Variants in RRBP1 observed in about 807,000 individuals in gnomAD.
RRBP1 encodes ribosome-binding protein 1.
A neutral mutation model predicts 165.2 loss-of-function variants in RRBP1; 94 were observed. That is an observed-to-expected ratio of 0.57 (90% CI 0.48 to 0.68). The LOEUF (loss-of-function observed/expected upper bound fraction) is 0.68. RRBP1 is among the 30% of genes least tolerant of loss of function. The probability of loss-of-function intolerance (pLI) is 0.00; values close to 1 mark genes in which losing one functional copy is unlikely to be tolerated. For missense variants in RRBP1, 1,676 were observed against 1,763.0 expected, an observed-to-expected ratio of 0.95 and a Z score of 0.88; for synonymous variants, 680 against 714.5, an observed-to-expected ratio of 0.95 and a Z score of 0.77.
chr20:17,614,095 G>A lies in RRBP1; in HGVS notation c.*87C>T. 8.2e-6 allele frequency: 11 copies of A among 1,348,836 alleles called. No individual in the cohort carries two copies. Among genetic ancestry groups the A allele is most frequent in the Admixed American group, 1.7e-5 (1 of 59,464 alleles). The allele number at this position is 1,348,836 out of a possible 1,614,324, so 83.6% of individuals were successfully genotyped here. A position where few individuals can be genotyped will look rare whatever the true frequency, so the allele number is the denominator to read the frequency against. ...CTACCGGAAGTTGGGCCTGGATAAC[G>A]CTGTGTAGGTTGGTTGGTTTATTTG... On this transcript the variant is annotated 3_prime_UTR_variant, in exon 25 of 25. Coordinates refer to ENST00000377813, the MANE Select transcript of RRBP1 (RefSeq NM_001365613.2).
intron 4 of RRBP1, 132 bp downstream of exon 4, chr20:17,642,847 T>G: frequency 9.9e-7 from 1 of 1,010,490 alleles, no homozygotes; most frequent in South Asian, 1.6e-5. Context: ...TCCCTCGGGG[T>G]GGCAGAATTC....
chr20:17,617,544 G>A (rs1159185577), intron 20 of RRBP1, among the ~76,000 whole-genome samples: 2 of 152,254 alleles, frequency 1.3e-5, no homozygotes, highest in Non-Finnish European at 2.9e-5. Context: ...GAACTGCACA[G>A]CTGGAAGACA....
At chr20:17,676,930 T>A (rs1046041837) in intron 2 of RRBP1, among the ~76,000 whole-genome samples, 3 of 152,050 alleles carry the variant, frequency 2.0e-5, no homozygotes, top group African/African-American at 7.2e-5. Flanking sequence ...GCATTCTTTA[T>A]AGAGATGGGG....
At chr20:17,624,064 T>A (rs1297093243) in intron 13 of RRBP1, among the ~76,000 whole-genome samples, 1 of 152,112 alleles carries the variant, frequency 6.6e-6, no homozygotes, top group Non-Finnish European at 1.5e-5. Flanking sequence ...AGCCTCGGGC[T>A]CACTGCCTCC....
intron 6 of RRBP1, among the ~76,000 whole-genome samples, chr20:17,635,939 C>T (rs2036239701): frequency 6.6e-6 from 1 of 152,370 alleles, no homozygotes; most frequent in African/African-American, 2.4e-5. Context: ...GGGTCTCTGA[C>T]ACACCCCATG....
Position 17,682,172 on chromosome 20 carries a change from C to CCCGCCCCGTCTGCCGT in RRBP1, c.-259_-244dup, listed in dbSNP as rs1160894890. 2.6e-5 allele frequency: 4 copies of CCCGCCCCGTCTGCCGT among 152,468 alleles called. No homozygotes were observed. The highest frequency in any genetic ancestry group is 7.2e-5 in the African/African-American group (3 of 41,576). 9.4% of individuals were successfully genotyped at this position (152,468 alleles called of 1,614,324 possible). ...TGTAGACGCTGCGACCCTGACGCCG[C>CCCGCCCCGTCTGCCGT]CCGCCCCGTCTGCCGTCCGCTCCGG... is the stretch of plus-strand genomic sequence containing the variant. On this transcript the variant is annotated 5_prime_UTR_variant, in exon 1 of 25. Transcript: ENST00000377813.
intron 22 of RRBP1, 57 bp downstream of exon 22, chr20:17,615,869 T>G: frequency 6.8e-7 from 1 of 1,476,024 alleles, no homozygotes; most frequent in South Asian, 1.1e-5. Context: ...ACTCATTCCC[T>G]GGAGACTCAG....
chr20:17,671,673 T>C (rs929940908), intron 2 of RRBP1, among the ~76,000 whole-genome samples: 2 of 152,190 alleles, frequency 1.3e-5, no homozygotes, highest in Non-Finnish European at 2.9e-5. Flanking sequence ...CTGTGTCCTA[T>C]CATGCTGCCA....
chr20:17,642,651 A>G (rs1376240267), intron 4 of RRBP1, among the ~76,000 whole-genome samples: 2 of 151,928 alleles, frequency 1.3e-5, no homozygotes, highest in Non-Finnish European at 2.9e-5. Context: ...GGGCTGGGGA[A>G]CCTCACAGGG....
Position 17,658,878 on chromosome 20 carries a change from G to T in RRBP1, c.1630C>A (p.Pro544Thr). 4 of 1,613,566 alleles carry T rather than the reference G, an allele frequency of 2.5e-6. No homozygotes were observed. Among genetic ancestry groups the T allele is most frequent in the Non-Finnish European group, 2.5e-6 (3 of 1,179,862 alleles). Residue 544 changes from proline to threonine, a missense_variant, in exon 3 of 25, where the codon CCC becomes ACC. Pro to Thr is a conservative substitution (Grantham distance 38). Coordinates refer to ENST00000377813, the MANE Select transcript of RRBP1 (RefSeq NM_001365613.2). The stretch of plus-strand genomic sequence containing the variant: ...GAATCTGCCTTTTTGCCCTGGATGG[G>T]AGCTCCCTCTCCTTTTTTGCCTTGG... Reference protein sequence around the residue: ...PNQGKKGEGAPIQGKKADSVA... With the variant: ...PNQGKKGEGATIQGKKADSVA...
chr20:17,616,898 A>C, intron 20 of RRBP1, 59 bp from the exon 21 acceptor site: 1 of 1,308,794 alleles, frequency 7.6e-7, no homozygotes, highest in East Asian at 2.3e-5. Context: ...CACCATGCTC[A>C]CTCCTGCAGG....
chr20:17,674,125 C>T (rs966237658), intron 2 of RRBP1, among the ~76,000 whole-genome samples: 2 of 152,226 alleles, frequency 1.3e-5, no homozygotes, highest in African/African-American at 4.8e-5. Context: ...CAAAAAAACA[C>T]ACCACCTGGG....
chr20:17,653,460 G>C (rs1460037871), intron 3 of RRBP1, among the ~76,000 whole-genome samples: 1 of 152,252 alleles, frequency 6.6e-6, no homozygotes, highest in Non-Finnish European at 1.5e-5. Context: ...GCTGCAAAGA[G>C]CAGAAAATAC....
At chr20:17,677,668 C>T (rs769923334) in intron 2 of RRBP1, among the ~76,000 whole-genome samples, 2 of 152,056 alleles carry the variant, frequency 1.3e-5, no homozygotes, top group Admixed American at 6.5e-5. Flanking sequence ...GGTGAAACCC[C>T]GTCTCTACTA....
intron 2 of RRBP1, among the ~76,000 whole-genome samples, chr20:17,669,732 T>A (rs1490374732): frequency 6.6e-6 from 1 of 152,180 alleles, no homozygotes; most frequent in African/African-American, 2.4e-5. Context: ...AAATGGTAGC[T>A]CTGAAGTTTC....
At chr20:17,676,510 C>T (rs1306310826) in intron 2 of RRBP1, among the ~76,000 whole-genome samples, 1 of 152,170 alleles carries the variant, frequency 6.6e-6, no homozygotes, top group African/African-American at 2.4e-5. Flanking sequence ...CCCACTGCTC[C>T]ACACAGCAGC....
intron 3 of RRBP1, among the ~76,000 whole-genome samples, chr20:17,655,413 T>C (rs1463905707): frequency 6.6e-6 from 1 of 152,360 alleles, no homozygotes; most frequent in South Asian, 2.1e-4. Flanking sequence ...TATCTTGTTA[T>C]CACTCATTTA....
intron 2 of RRBP1, among the ~76,000 whole-genome samples, chr20:17,665,970 A>T (rs1489192496): frequency 1.3e-5 from 2 of 152,216 alleles, no homozygotes; most frequent in African/African-American, 4.8e-5. Context: ...CCACAGACTC[A>T]GATGGCCATT....
chr20:17,632,143 G>A (rs1303224821), intron 8 of RRBP1, among the ~76,000 whole-genome samples: 2 of 152,230 alleles, frequency 1.3e-5, no homozygotes, highest in Non-Finnish European at 1.5e-5. Context: ...GAACCCGACA[G>A]CTGGCGCCAA....
Sources: gnomAD v4.1 joint callset for allele counts (sites outside exome capture counted in the v4.1 genomes callset) on GRCh38, gnomAD v4.1.1 for gene constraint, MANE v1.5 for transcripts, NCBI Gene and HGNC (gene_info 2026-07-23, HGNC 2026-07-21) for gene names.